The following PARP4 variants were observed in gnomAD, a reference collection of about 807,000 sequenced individuals.
PARP4 encodes the protein protein mono-ADP-ribosyltransferase PARP4.
In PARP4, 120 loss-of-function variants were observed where a neutral mutation model predicts 187.7. That is an observed-to-expected ratio of 0.64 (90% CI 0.55 to 0.74). The LOEUF is 0.74. Among genes scored for constraint, PARP4 ranks in the 30% least tolerant of loss-of-function variants. The pLI is 0.00. For missense variants in PARP4, 1,836 were observed against 2,070.5 expected (o/e 0.89, Z 2.20); for synonymous variants, 654 against 740.9 (o/e 0.88, Z 1.90).
In PARP4 at chr13:24,484,762, G is replaced by A. The variant is rs763844332; in HGVS notation, c.1353-14C>T. 38 of 1,485,572 alleles carry A rather than the reference G, an allele frequency of 2.6e-5. No homozygotes were observed. Among genetic ancestry groups the A allele is most frequent in the Non-Finnish European group, 3.5e-5 (37 of 1,062,642 alleles). The allele number at this position is 1,485,572 out of a possible 1,614,324, so 92.0% of individuals were successfully genotyped here. A position where few individuals can be genotyped will look rare whatever the true frequency, so the allele number is the denominator to read the frequency against. On this transcript the variant is annotated splice_polypyrimidine_tract_variant and intron_variant, in intron 11 of 33. Coordinates refer to ENST00000381989, the MANE Select transcript of PARP4 (RefSeq NM_006437.4). The stretch of plus-strand genomic sequence containing the variant: ...AAAAGCAACCCTCTGAAAAGAGAAG[G>A]GCAGGATAAGGTGTAAGCCCAACAC...
At chr13:24,458,299 C>T (rs143377080) in intron 20 of PARP4, among the ~76,000 whole-genome samples, 336 of 152,026 alleles carry the variant, frequency 2.2e-3, no homozygotes, top group African/African-American at 7.4e-3. Flanking sequence ...TTAGTGGAGA[C>T]GAGGTTTCAC....
chr13:24,445,255 C>T (rs911334970), intron 27 of PARP4, among the ~76,000 whole-genome samples: 1 of 151,880 alleles, frequency 6.6e-6, no homozygotes, highest in South Asian at 2.1e-4. Flanking sequence ...CTGAACTTCC[C>T]TACAGACATA....
chr13:24,451,591 G>GC (rs2137468840), intron 24 of PARP4, among the ~76,000 whole-genome samples: 1 of 152,164 alleles, frequency 6.6e-6, no homozygotes. Context: ...CAGCAAAGAG[G>GC]CCCCCATTCT....
chr13:24,458,268 C>G (rs1871994454), intron 20 of PARP4, among the ~76,000 whole-genome samples: 1 of 152,118 alleles, frequency 6.6e-6, no homozygotes, highest in African/African-American at 2.4e-5. Flanking sequence ...CACCACCACA[C>G]CCGGCTAATT....
chr13:24,502,335 AATTTT>A (rs1483344442), intron 2 of PARP4, among the ~76,000 whole-genome samples: 2 of 152,162 alleles, frequency 1.3e-5, no homozygotes. Context: ...GCCCGCTTAT[AATTTT>A]ATTTATTTTT....
chr13:24,475,730 T>C, intron 14 of PARP4, 134 bp from the exon 15 acceptor site: 4 of 894,308 alleles, frequency 4.5e-6, no homozygotes, highest in Non-Finnish European at 6.9e-6. Context: ...TTTATGATTT[T>C]CAATAGCCAA....
rs533437491 is a variant in PARP4, at chr13:24,441,329, A to C, written c.3666+517T>G. Among the ~76,000 whole-genome samples the C allele has an allele frequency of 3.4e-5, 5 of 147,826 alleles. No individual in the cohort carries two copies. The East Asian group carries it at 9.9e-4, about 29-fold the overall frequency. ...AGATTTTAAATTTTTAAATTCTGGA[A>C]ATTTTAGTTTTTTAACCTAGAGACC... On this transcript the variant is annotated intron_variant, in intron 30 of 33. Coordinates refer to ENST00000381989, the MANE Select transcript of PARP4 (RefSeq NM_006437.4).
chr13:24,429,946 C>A (rs940118970), intron 32 of PARP4, among the ~76,000 whole-genome samples: 4 of 152,222 alleles, frequency 2.6e-5, no homozygotes, highest in Non-Finnish European at 4.4e-5. Context: ...GTCTCATGAG[C>A]TGAGAAATGC....
rs1868699444 is a variant in PARP4, at chr13:24,492,287, T to G, written c.1053+134A>C. On this transcript the variant is annotated intron_variant, in intron 9 of 33. Coordinates refer to ENST00000381989, the MANE Select transcript of PARP4 (RefSeq NM_006437.4). ...AAGGATCCAGGGCTTTCTAAAATGG[T>G]TCAACAATTTATTTTCTAGTACAAC... 8.3e-6 allele frequency: 5 copies of G among 603,230 alleles called. No homozygotes were observed. The East Asian group carries it at 1.5e-4, about 18-fold the overall frequency. The allele number at this position is 603,230 out of a possible 1,614,324, so 37.4% of individuals were successfully genotyped here. A position where few individuals can be genotyped will look rare whatever the true frequency, so the allele number is the denominator to read the frequency against.
chr13:24,434,573 G>A lies in PARP4; in HGVS notation c.4568C>T (p.Thr1523Ile), dbSNP rs751330726. 2 of 1,613,092 alleles carry A rather than the reference G, an allele frequency of 1.2e-6. No individual in the cohort carries two copies. Among genetic ancestry groups the A allele is most frequent in the East Asian group, 4.5e-5 (2 of 44,838 alleles). The change falls in exon 31 of 34, where the codon ACA becomes ATA. Residue 1523 changes from threonine to isoleucine, a missense_variant. Around this residue, in one of 8 missense-constraint regions of PARP4, gnomAD observed 450 missense variants for 439.2 expected, o/e 1.02. Coordinates refer to ENST00000381989, the MANE Select transcript of PARP4 (RefSeq NM_006437.4). Reference sequence around the variant, plus strand: ...TACTTCTGATAGCTCATCACTTTCTGTGTCAGAACTTTGAAAAGCAAAGAC... The same window carrying A: ...TACTTCTGATAGCTCATCACTTTCTATGTCAGAACTTTGAAAAGCAAAGAC... ...CPVFAFQSSD[T>I]ESDELSEVLQ...
intron 1 of PARP4, among the ~76,000 whole-genome samples, chr13:24,511,089 A>T (rs1869994635): frequency 6.6e-6 from 1 of 152,176 alleles, no homozygotes; most frequent in Non-Finnish European, 1.5e-5. Context: ...CGCCCGGCCC[A>T]GAGTAAAAAC....
At chr13:24,459,900 T>C (rs1327528604) in intron 18 of PARP4, 72 bp downstream of exon 18, 2 of 1,315,752 alleles carry the variant, frequency 1.5e-6, no homozygotes, top group African/African-American at 3.0e-5. Flanking sequence ...CAGGCATAAA[T>C]TCCTCCACAG....
chr13:24,425,527 GTGTATGCA>G (rs1869986423), intron 33 of PARP4, among the ~76,000 whole-genome samples: 1 of 134,214 alleles, frequency 7.5e-6, no homozygotes, highest in African/African-American at 3.1e-5. Flanking sequence ...ATGTGTATAT[GTGTATGCA>G]TGTGTGCATG....
intron 4 of PARP4, among the ~76,000 whole-genome samples, chr13:24,500,042 T>TG (rs1005155595): frequency 6.7e-6 from 1 of 149,256 alleles, no homozygotes; most frequent in Non-Finnish European, 1.5e-5. Context: ...AAATAGGTTT[T>TG]TTTTTAAAAG....
Position 24,435,052 on chromosome 13 carries a change from T to C in PARP4, c.4089A>G (p.Gln1363=), listed in dbSNP as rs199507846. The change falls in exon 31 of 34, where the codon CAA becomes CAG. Residue 1363 remains glutamine (Q), a synonymous_variant. Coordinates refer to ENST00000381989, the MANE Select transcript of PARP4 (RefSeq NM_006437.4). ...AAPPRQFDAS[Q]FSQGPVPGTC... ...TGCCAGGCACAGGGCCTTGGCTGAA[T>C]TGAGATGCATCAAACTGTCTGGGAG... is the stretch of plus-strand genomic sequence containing the variant. The C allele has an allele frequency of 1.7e-5, 27 of 1,613,998 alleles. No homozygotes were observed. In the African/African-American group the frequency reaches 1.7e-4, roughly 10 times the overall value.
chr13:24,421,684 G>C (rs1167196488), intron 33 of PARP4, among the ~76,000 whole-genome samples: 2 of 152,284 alleles, frequency 1.3e-5, no homozygotes, highest in Non-Finnish European at 2.9e-5. Flanking sequence ...CACAAATGAG[G>C]CTTCTGTTTC....
chr13:24,487,089 G>A (rs1566014792), intron 10 of PARP4, among the ~76,000 whole-genome samples: 2 of 149,384 alleles, frequency 1.3e-5, no homozygotes, highest in South Asian at 4.2e-4. Flanking sequence ...GTGAAACCTC[G>A]TCCCTACTAA....
intron 33 of PARP4, among the ~76,000 whole-genome samples, chr13:24,424,363 T>A (rs1460903154): frequency 6.6e-6 from 1 of 152,126 alleles, no homozygotes; most frequent in Non-Finnish European, 1.5e-5. Flanking sequence ...CTCAACCTTT[T>A]TTTTCTATTG....
intron 33 of PARP4, among the ~76,000 whole-genome samples, chr13:24,425,599 C>CTATATATATATATA (rs138449687): frequency 1.2e-4 from 16 of 138,076 alleles, no homozygotes; most frequent in African/African-American, 4.8e-4. Flanking sequence ...ATATCTATAT[C>CTATATATATATATA]TATATCTATA....
Sources: gnomAD v4.1 joint callset for allele counts (sites outside exome capture counted in the v4.1 genomes callset) on GRCh38, gnomAD v4.1.1 for gene constraint, gnomAD v4.1.1 regional missense constraint, MANE v1.5 for transcripts, NCBI Gene and HGNC (gene_info 2026-07-23, HGNC 2026-07-21) for gene names.